The following HIPK3 variants were observed in gnomAD, a reference collection of about 807,000 sequenced individuals.
HIPK3 encodes homeodomain-interacting protein kinase 3.
In HIPK3, 47 loss-of-function variants were observed where a neutral mutation model predicts 124.2. The observed-to-expected ratio is 0.38, with a 90% CI of 0.30 to 0.48. The LOEUF is 0.48. HIPK3 is among the 20% of genes least tolerant of loss of function. The pLI is 0.98. For synonymous variants in HIPK3, 482 were observed against 515.2 expected, an observed-to-expected ratio of 0.94 and a Z score of 0.87; for missense variants, 1,286 against 1,454.3, an observed-to-expected ratio of 0.88 and a Z score of 1.88.
intron 1 of HIPK3, among the ~76,000 whole-genome samples, chr11:33,268,385 A>G (rs892170731): frequency 6.6e-6 from 1 of 152,016 alleles, no homozygotes; most frequent in Non-Finnish European, 1.5e-5. Flanking sequence ...GCTTGAAGCC[A>G]GGAGTTCAAG....
intron 1 of HIPK3, among the ~76,000 whole-genome samples, chr11:33,279,673 T>A (rs1255474511): frequency 6.6e-6 from 1 of 152,130 alleles, no homozygotes; most frequent in African/African-American, 2.4e-5. Context: ...AAAAATAAGA[T>A]GTATATGGTA....
rs1388140473 is a variant in HIPK3, at chr11:33,352,161, A to G, written c.3067A>G (p.Lys1023Glu). The G allele has an allele frequency of 6.2e-7, 1 of 1,613,886 alleles. No individual in the cohort carries two copies. The highest frequency in any genetic ancestry group is 8.5e-7 in the Non-Finnish European group (1 of 1,179,776). ...NTDSICQPLI[K>E]GRSAPGRLNQ... ...AGATTCTATATGCCAGCCATTAATAAAAGGACGATCTGCCCCTGGAAGATT... is the reference window on the plus strand; with the variant it reads ...AGATTCTATATGCCAGCCATTAATAGAAGGACGATCTGCCCCTGGAAGATT... The change falls in exon 16 of 17, where the codon AAA becomes GAA. Residue 1023 changes from lysine (K) to glutamate (E), a missense_variant. Lys to Glu is a moderately conservative substitution (Grantham distance 56). This residue lies in a region of HIPK3 where 810 missense variants were observed against 864.9 expected (regional missense o/e 0.94). Transcript: ENST00000303296.
intron 1 of HIPK3, among the ~76,000 whole-genome samples, chr11:33,261,423 G>T (rs1259790548): frequency 2.0e-5 from 3 of 151,836 alleles, no homozygotes; most frequent in African/African-American, 7.3e-5. Context: ...GTGTCCATGT[G>T]TTCTCATCAT....
intron 2 of HIPK3, among the ~76,000 whole-genome samples, chr11:33,324,072 C>T (rs1852740930): frequency 1.3e-5 from 2 of 152,302 alleles, no homozygotes; most frequent in Non-Finnish European, 1.5e-5. Context: ...AGGAGTAGGA[C>T]AGAAGATTTC....
intron 2 of HIPK3, among the ~76,000 whole-genome samples, chr11:33,319,854 A>G (rs1852613561): frequency 6.6e-6 from 1 of 152,248 alleles, no homozygotes; most frequent in African/African-American, 2.4e-5. Flanking sequence ...TTTATCAGTT[A>G]ATGACAAGTG....
intron 1 of HIPK3, among the ~76,000 whole-genome samples, chr11:33,266,725 C>CA (rs909884126): frequency 6.6e-6 from 1 of 151,730 alleles, no homozygotes; most frequent in African/African-American, 2.4e-5. Flanking sequence ...AACAAACAAA[C>CA]AAAAAACCAA....
intron 10 of HIPK3, 47 bp downstream of exon 10, chr11:33,347,800 C>G (rs1296102395): frequency 1.3e-5 from 21 of 1,612,922 alleles, no homozygotes; most frequent in Non-Finnish European, 1.8e-5. Flanking sequence ...CAGACTAGAT[C>G]TTGATTAAAG....
At chr11:33,341,470 A>G in intron 7 of HIPK3, 93 bp from the exon 8 acceptor site, 1 of 1,234,604 alleles carries the variant, frequency 8.1e-7, no homozygotes, top group Non-Finnish European at 1.1e-6. Context: ...TAATAGTAGA[A>G]TTATGATCTT....
chr11:33,299,705 C>T (rs1851939345), intron 2 of HIPK3, among the ~76,000 whole-genome samples: 1 of 151,990 alleles, frequency 6.6e-6, no homozygotes, highest in South Asian at 2.1e-4. Context: ...AAGAGCAAAT[C>T]AATGTGGCAA....
intron 3 of HIPK3, among the ~76,000 whole-genome samples, chr11:33,336,736 T>C (rs1435594107): frequency 2.0e-5 from 3 of 152,244 alleles, no homozygotes; most frequent in Non-Finnish European, 4.4e-5. Context: ...TGATTTTCTA[T>C]ATTTACACAT....
At chr11:33,310,567 C>T (rs1249960763) in intron 2 of HIPK3, among the ~76,000 whole-genome samples, 1 of 152,076 alleles carries the variant, frequency 6.6e-6, no homozygotes, top group Non-Finnish European at 1.5e-5. Flanking sequence ...GCTTGGCCTC[C>T]CAGAGTACTT....
chr11:33,297,803 T>C (rs1851883324), intron 2 of HIPK3, among the ~76,000 whole-genome samples: 1 of 146,902 alleles, frequency 6.8e-6, no homozygotes, highest in African/African-American at 2.6e-5. Flanking sequence ...TTTTTTTTTT[T>C]TCTTGAGATG....
In HIPK3 at chr11:33,345,500, A is replaced by G. The variant is rs368156753; in HGVS notation, c.1898-1793A>G. Among the ~76,000 whole-genome samples, 43 of 152,280 alleles carry G rather than the reference A, an allele frequency of 2.8e-4. 1 individual carries two copies. The South Asian group carries it at 8.3e-3, about 29-fold the overall frequency. ...AAATTAGATCTCCTGTGGAGAGGGT[A>G]TATAGGAGAATTCTTCTCATCTTAA... On this transcript the variant is annotated intron_variant, in intron 8 of 16. Transcript: ENST00000303296.
intron 2 of HIPK3, among the ~76,000 whole-genome samples, chr11:33,311,789 C>T (rs1041235624): frequency 2.0e-5 from 3 of 150,788 alleles, no homozygotes; most frequent in African/African-American, 7.3e-5. Context: ...AGGAGGATCG[C>T]TCCAGGAGTT....
At chr11:33,269,914 C>T (rs779441485) in intron 1 of HIPK3, among the ~76,000 whole-genome samples, 7 of 152,084 alleles carry the variant, frequency 4.6e-5, no homozygotes, top group Non-Finnish European at 8.8e-5. Flanking sequence ...AATCCTTTGC[C>T]TGGATTCCCT....
At chr11:33,330,390 G>A (rs1020019291) in intron 3 of HIPK3, among the ~76,000 whole-genome samples, 2 of 151,648 alleles carry the variant, frequency 1.3e-5, no homozygotes, top group South Asian at 2.1e-4. Flanking sequence ...GTGCAGTGGC[G>A]TGATCTCAGC....
rs531816261 is a variant in HIPK3 at position 33,332,589 on chromosome 11, A to G, written c.1221+3956A>G. ...GATAGAATGTTATCCAGAACAACTA[A>G]GAGTCTGACTTTATATTCAAATTAT... On this transcript the variant is annotated intron_variant, in intron 3 of 16. Coordinates refer to ENST00000303296, the MANE Select transcript of HIPK3 (RefSeq NM_005734.5). Among the ~76,000 whole-genome samples, 3 of 152,362 alleles carry G rather than the reference A, an allele frequency of 2.0e-5. No individual in the cohort carries two copies. The South Asian group carries it at 6.2e-4, about 32-fold the overall frequency.
At chr11:33,310,269 TGTCTGTC>T (rs777028702) in intron 2 of HIPK3, among the ~76,000 whole-genome samples, 3,204 of 65,744 alleles carry the variant, frequency 0.049, 62 homozygotes, top group Middle Eastern at 0.094. Flanking sequence ...TCTGTCTGTC[TGTCTGTC>T]TATCTTATCT....
At position 33,356,361 on chromosome 11, in the gene HIPK3, T is replaced by G. The variant is rs1370311338; in HGVS notation, c.*2793T>G. 6.6e-6 allele frequency: 1 copy of G among 152,086 alleles called. No individual in the cohort carries two copies. Among genetic ancestry groups the G allele is most frequent in the Non-Finnish European group, 1.5e-5 (1 of 67,936 alleles). The allele number at this position is 152,086 out of a possible 1,614,324, so 9.4% of individuals were successfully genotyped here. A position where few individuals can be genotyped will look rare whatever the true frequency, so the allele number is the denominator to read the frequency against. On this transcript the variant is annotated 3_prime_UTR_variant, in exon 17 of 17. Transcript: ENST00000303296. ...TAGCATATTGACAAAGTAATCTGGA[T>G]TTATACCTTTTAAAAACCATTTTGA...
Sources: allele counts gnomAD v4.1 joint callset (sites outside exome capture counted in the v4.1 genomes callset), GRCh38; gene constraint gnomAD v4.1.1; regional missense constraint gnomAD v4.1.1; transcripts MANE v1.5; gene names NCBI Gene and HGNC (gene_info 2026-07-23, HGNC 2026-07-21).